Variants in SUCLG2 observed in about 807,000 individuals in gnomAD.
SUCLG2 encodes the protein succinate--CoA ligase [GDP-forming] subunit beta, mitochondrial.
SUCLG2 carries 42 observed loss-of-function variants against 47.9 expected under a neutral mutation model. The ratio of observed to expected loss-of-function variants is 0.88; its 90% CI spans 0.69 to 1.14. SUCLG2 has a LOEUF of 1.14. Among genes scored for constraint, SUCLG2 ranks in the 50% most tolerant of loss-of-function variants. SUCLG2 has a pLI of 0.00. For missense variants in SUCLG2, 571 were observed against 525.9 expected (o/e 1.09, Z -0.84); for synonymous variants, 195 against 197.3 (o/e 0.99, Z 0.10).
intron 9 of SUCLG2, among the ~76,000 whole-genome samples, chr3:67,475,082 T>C (rs1271239394): frequency 1.3e-5 from 2 of 152,128 alleles, no homozygotes; most frequent in African/African-American, 4.8e-5. Context: ...ATGTCATATC[T>C]TTTGTATTAG....
In SUCLG2 at chr3:67,516,336, G is replaced by A. The variant is rs575502461; in HGVS notation, c.660+1911C>T. 4.6e-5 allele frequency among the ~76,000 whole-genome samples: 7 copies of A among 152,090 alleles called. No individual in the cohort carries two copies. The South Asian group carries it at 1.5e-3, about 32-fold the overall frequency. On this transcript the variant is annotated intron_variant, in intron 6 of 10. Coordinates refer to ENST00000307227, the MANE Select transcript of SUCLG2 (RefSeq NM_003848.4). ...TCATTTAAAACCTAGAGTGTTTCAG[G>A]TACCAGGAAAACAAGAATAAGCCAT...
intron 10 of SUCLG2, chr3:67,376,268 A>G: frequency 1.0e-6 from 1 of 985,456 alleles, no homozygotes; most frequent in African/African-American, 1.7e-5. Flanking sequence ...CTATGTCCAC[A>G]AATCCACTGC....
At chr3:67,547,213 AAT>A (rs1384056564) in intron 2 of SUCLG2, among the ~76,000 whole-genome samples, 1 of 152,136 alleles carries the variant, frequency 6.6e-6, no homozygotes, top group African/African-American at 2.4e-5. Flanking sequence ...GCTAGAAGGC[AAT>A]ATGTGTTAAG....
chr3:67,538,467 T>C (rs1706608432), intron 2 of SUCLG2, among the ~76,000 whole-genome samples: 1 of 152,218 alleles, frequency 6.6e-6, no homozygotes, highest in Non-Finnish European at 1.5e-5. Flanking sequence ...TGTAGCCTTG[T>C]AGTGCAGTTT....
chr3:67,391,607 G>C (rs1282451685), intron 10 of SUCLG2, among the ~76,000 whole-genome samples: 3 of 152,104 alleles, frequency 2.0e-5, no homozygotes, highest in African/African-American at 7.2e-5. Context: ...AGGCAGCCTC[G>C]GTAGATTGAC....
intron 9 of SUCLG2, among the ~76,000 whole-genome samples, chr3:67,442,586 G>C (rs1411835683): frequency 1.3e-5 from 2 of 152,170 alleles, no homozygotes; most frequent in Admixed American, 1.3e-4. Context: ...ACTGATGGCT[G>C]AAAGTGTTTT....
chr3:67,393,016 A>G (rs1702427068), intron 10 of SUCLG2, among the ~76,000 whole-genome samples: 1 of 150,874 alleles, frequency 6.6e-6, no homozygotes, highest in Admixed American at 6.6e-5. Context: ...ACTCACAGTA[A>G]GAAAAAAAAA....
intron 9 of SUCLG2, among the ~76,000 whole-genome samples, chr3:67,441,014 G>T (rs1703749311): frequency 6.6e-6 from 1 of 152,206 alleles, no homozygotes; most frequent in Non-Finnish European, 1.5e-5. Context: ...TAAAGAAAAT[G>T]TGGCACACAT....
At chr3:67,376,037 G>A (rs1702029435) in intron 10 of SUCLG2, 178 bp from the exon 11 acceptor site, 2 of 985,338 alleles carry the variant, frequency 2.0e-6, no homozygotes, top group Admixed American at 6.1e-5. Flanking sequence ...ATCTCAAGCT[G>A]TGGTCCAGCT....
At chr3:67,578,637 C>T (rs956094014) in intron 2 of SUCLG2, among the ~76,000 whole-genome samples, 4 of 152,014 alleles carry the variant, frequency 2.6e-5, no homozygotes, top group African/African-American at 7.2e-5. Context: ...CACAGCTTTC[C>T]GGAAGCTTGG....
intron 9 of SUCLG2, among the ~76,000 whole-genome samples, chr3:67,431,209 A>G (rs1703470878): frequency 6.6e-6 from 1 of 152,194 alleles, no homozygotes. Flanking sequence ...CCTCAATAAA[A>G]TACTGGCAAA....
chr3:67,505,158 G>C (rs1457665141), intron 7 of SUCLG2, among the ~76,000 whole-genome samples: 2 of 152,050 alleles, frequency 1.3e-5, no homozygotes, highest in Admixed American at 1.3e-4. Context: ...GGATTTATGG[G>C]GCTGCTGAGG....
At chr3:67,583,802 C>G (rs1000438498) in intron 2 of SUCLG2, among the ~76,000 whole-genome samples, 3 of 152,204 alleles carry the variant, frequency 2.0e-5, no homozygotes, top group African/African-American at 7.2e-5. Context: ...TCTCAGGCTT[C>G]AAATGTCTTT....
chr3:67,589,957 A>T (rs1049815868), intron 2 of SUCLG2, among the ~76,000 whole-genome samples: 2 of 120,480 alleles, frequency 1.7e-5, no homozygotes, highest in South Asian at 5.9e-4. Context: ...TTTGGGATAT[A>T]CTTTAGTCTA....
At chr3:67,469,057 A>G (rs751604005) in intron 9 of SUCLG2, among the ~76,000 whole-genome samples, 3 of 152,216 alleles carry the variant, frequency 2.0e-5, no homozygotes, top group Non-Finnish European at 2.9e-5. Flanking sequence ...AGCAGAAAGA[A>G]CAGCTCAGTC....
intron 1 of SUCLG2, among the ~76,000 whole-genome samples, chr3:67,638,046 G>A (rs1216478322): frequency 2.0e-5 from 3 of 152,108 alleles, no homozygotes; most frequent in Non-Finnish European, 4.4e-5. Flanking sequence ...TATTTTTTCA[G>A]TATTTTATGC....
At chr3:67,493,617 AT>A (rs1489085869) in intron 9 of SUCLG2, among the ~76,000 whole-genome samples, 2 of 152,214 alleles carry the variant, frequency 1.3e-5, no homozygotes, top group Non-Finnish European at 2.9e-5. Context: ...GGTAGATTTC[AT>A]CTCTCAGTGG....
At chr3:67,601,380 T>C (rs1453471729) in intron 2 of SUCLG2, among the ~76,000 whole-genome samples, 1 of 152,242 alleles carries the variant, frequency 6.6e-6, no homozygotes, top group East Asian at 1.9e-4. Flanking sequence ...ATAATGAGCA[T>C]GTTCCTTTGA....
chr3:67,468,818 T>C (rs1704535508), intron 9 of SUCLG2, among the ~76,000 whole-genome samples: 2 of 151,898 alleles, frequency 1.3e-5, no homozygotes, highest in Non-Finnish European at 2.9e-5. Context: ...AGCTTCGGGG[T>C]GGTTTATTAA....
Sources: allele counts gnomAD v4.1 joint callset (sites outside exome capture counted in the v4.1 genomes callset), GRCh38; gene constraint gnomAD v4.1.1; transcripts MANE v1.5; gene names NCBI Gene and HGNC (gene_info 2026-07-23, HGNC 2026-07-21).